CRTC3: variants seen among roughly 807,000 people sequenced by gnomAD.
The protein encoded by CRTC3 is CREB-regulated transcription coactivator 3.
CRTC3 carries 26 observed loss-of-function variants against 74.5 expected under a neutral mutation model. The ratio of observed to expected loss-of-function variants is 0.35; its 90% CI spans 0.26 to 0.48. CRTC3 has a LOEUF of 0.48. Ranked by LOEUF, CRTC3 falls within the 20% of genes least tolerant of loss-of-function variation. The pLI, the probability that CRTC3 is intolerant of heterozygous loss-of-function variation, is 0.99. For missense variants in CRTC3, 760 were observed against 787.3 expected (o/e 0.97, Z 0.41); for synonymous variants, 377 against 325.8 (o/e 1.16, Z -1.69).
Position 90,571,175 on chromosome 15 carries a change from G to A in CRTC3, c.232-22461G>A, listed in dbSNP as rs542308979. ...CAGACAGGCACAGTCACTGCTTGGC[G>A]GAACTTCAGTCCAGTGGGAGAGGCA... is the stretch of plus-strand genomic sequence containing the variant. On this transcript the variant is annotated intron_variant, in intron 2 of 14. Coordinates refer to ENST00000268184, the MANE Select transcript of CRTC3 (RefSeq NM_022769.5). Among the ~76,000 whole-genome samples, 23 of 152,290 alleles carry A rather than the reference G, an allele frequency of 1.5e-4. No individual in the cohort carries two copies. The South Asian group carries it at 3.5e-3, about 23-fold the overall frequency.
At chr15:90,595,575 A>C (rs1301576515) in intron 3 of CRTC3, 1 of 152,068 alleles carries the variant, frequency 6.6e-6, no homozygotes, top group Non-Finnish European at 1.5e-5. Flanking sequence ...AAAAAAAAAA[A>C]AAACCAATGT....
At chr15:90,633,796 G>C (rs970799244) in intron 11 of CRTC3, among the ~76,000 whole-genome samples, 1 of 150,768 alleles carries the variant, frequency 6.6e-6, no homozygotes, top group African/African-American at 2.4e-5. Context: ...CTTCTCTGTG[G>C]TTGCTTCCTT....
At chr15:90,639,230 G>A (rs780562143) in intron 13 of CRTC3, among the ~76,000 whole-genome samples, 14 of 152,250 alleles carry the variant, frequency 9.2e-5, no homozygotes, top group Middle Eastern at 3.4e-3. Context: ...CCAGCACAGC[G>A]TGGGGCCTCC....
chr15:90,626,467 C>G (rs1230282344), intron 10 of CRTC3, among the ~76,000 whole-genome samples: 1 of 152,148 alleles, frequency 6.6e-6, no homozygotes, highest in Admixed American at 6.5e-5. Flanking sequence ...AAGTAGAAAT[C>G]CCCCACAGTT....
intron 6 of CRTC3, 96 bp downstream of exon 6, chr15:90,607,574 C>A: frequency 1.4e-6 from 1 of 739,892 alleles, no homozygotes; most frequent in Admixed American, 2.3e-5. Context: ...TTGCGCTTCC[C>A]GGTTCAGTGA....
Position 90,546,822 on chromosome 15 carries a change from A to C in CRTC3, c.231+6685A>C, listed in dbSNP as rs150930217. 9.0e-4 allele frequency among the ~76,000 whole-genome samples: 137 copies of C among 152,240 alleles called. 1 individual carries two copies. Among genetic ancestry groups the C allele is most frequent in the African/African-American group, 3.3e-3 (136 of 41,550 alleles). ...GTATTTGTATTAGAGACGGGGTTTCACTGTGTTAGCCAGGATGGTCTCGAT... is the reference window on the plus strand; with the variant it reads ...GTATTTGTATTAGAGACGGGGTTTCCCTGTGTTAGCCAGGATGGTCTCGAT... On this transcript the variant is annotated intron_variant, in intron 2 of 14. Coordinates refer to ENST00000268184, the MANE Select transcript of CRTC3 (RefSeq NM_022769.5).
intron 2 of CRTC3, among the ~76,000 whole-genome samples, chr15:90,556,420 G>C (rs942498290): frequency 2.6e-5 from 4 of 152,142 alleles, no homozygotes; most frequent in African/African-American, 9.7e-5. Flanking sequence ...TGATGGATTT[G>C]GATATTTATT....
At chr15:90,611,935 G>C (rs948390222) in intron 6 of CRTC3, among the ~76,000 whole-genome samples, 2 of 151,688 alleles carry the variant, frequency 1.3e-5, no homozygotes, top group Non-Finnish European at 1.5e-5. Context: ...AGCCTGCTTC[G>C]GTCCAGCCCA....
chr15:90,547,131 T>C (rs1966845690), intron 2 of CRTC3, among the ~76,000 whole-genome samples: 1 of 152,344 alleles, frequency 6.6e-6, no homozygotes, highest in East Asian at 1.9e-4. Context: ...GACAAAATTG[T>C]ATATATTTAT....
At chr15:90,557,595 T>G (rs1021658838) in intron 2 of CRTC3, among the ~76,000 whole-genome samples, 54 of 152,220 alleles carry the variant, frequency 3.5e-4, no homozygotes, top group African/African-American at 1.3e-3. Flanking sequence ...AATCAGCCTG[T>G]AATATGCTGA....
At chr15:90,622,129 G>C (rs1213977782) in intron 9 of CRTC3, among the ~76,000 whole-genome samples, 1 of 152,194 alleles carries the variant, frequency 6.6e-6, no homozygotes, top group Non-Finnish European at 1.5e-5. Flanking sequence ...CCCAAGGCAG[G>C]AGTGGGCCTG....
chr15:90,610,331 G>A (rs1021291086), intron 6 of CRTC3, among the ~76,000 whole-genome samples: 8 of 152,166 alleles, frequency 5.3e-5, no homozygotes, highest in Non-Finnish European at 8.8e-5. Flanking sequence ...TTCTTTCCCT[G>A]GGAATCTCTC....
At chr15:90,573,635 G>T (rs184453737) in intron 2 of CRTC3, among the ~76,000 whole-genome samples, 4 of 150,738 alleles carry the variant, frequency 2.7e-5, no homozygotes, top group Non-Finnish European at 4.4e-5. Flanking sequence ...GTTTTTTACT[G>T]TTTTTTTTCC....
At chr15:90,629,207 G>GTAAC in intron 10 of CRTC3, 27 bp from the exon 11 acceptor site, 5 of 1,594,056 alleles carry the variant, frequency 3.1e-6, no homozygotes, top group Non-Finnish European at 4.3e-6. Flanking sequence ...GAAATTATAA[G>GTAAC]TAACTTGTGA....
intron 6 of CRTC3, 121 bp from the exon 7 acceptor site, chr15:90,614,332 A>C: frequency 1.5e-6 from 1 of 675,246 alleles, no homozygotes; most frequent in South Asian, 2.0e-5. Context: ...AGTGTATCAA[A>C]AGTGCCTTAG....
In CRTC3 at chr15:90,630,756, ATTTTTTTTTTTT is replaced by A. The variant is rs1175467073; in HGVS notation, c.1266+1245_1266+1256del. Among the ~76,000 whole-genome samples, 39 of 23,652 alleles carry A rather than the reference ATTTTTTTTTTTT, an allele frequency of 1.6e-3. 1 individual carries two copies. The highest frequency in any genetic ancestry group is 3.0e-3 in the African/African-American group (28 of 9,428). The allele number at this position is 23,652 out of a possible 152,430, so 15.5% of individuals were successfully genotyped here. A position where few individuals can be genotyped will look rare whatever the true frequency, so the allele number is the denominator to read the frequency against. On this transcript the variant is annotated intron_variant, in intron 11 of 14. Coordinates refer to ENST00000268184, the MANE Select transcript of CRTC3 (RefSeq NM_022769.5). ...CACATCCTCTGTCTATTACAGCATCATTTTTTTTTTTTTTTTTTTTTTTTTTTTTTTTGAGAC... is the reference window on the plus strand; with the variant it reads ...CACATCCTCTGTCTATTACAGCATCATTTTTTTTTTTTTTTTTTTTGAGAC...
At chr15:90,534,339 G>T (rs563009425) in intron 1 of CRTC3, among the ~76,000 whole-genome samples, 4 of 152,300 alleles carry the variant, frequency 2.6e-5, no homozygotes, top group Admixed American at 2.6e-4. Context: ...TGCCTGTGAG[G>T]CACATAAGTA....
intron 9 of CRTC3, among the ~76,000 whole-genome samples, chr15:90,624,215 CCTT>C (rs1358478234): frequency 2.0e-5 from 3 of 152,026 alleles, no homozygotes; most frequent in African/African-American, 7.3e-5. Context: ...GCTGGTGGCA[CCTT>C]CTCCCGCATT....
intron 7 of CRTC3, among the ~76,000 whole-genome samples, chr15:90,616,980 G>C (rs923185286): frequency 6.6e-6 from 1 of 152,130 alleles, no homozygotes; most frequent in Non-Finnish European, 1.5e-5. Context: ...CGTTGTTGCA[G>C]GTTCTCTCCT....
Sources: allele counts gnomAD v4.1 joint callset (sites outside exome capture counted in the v4.1 genomes callset), GRCh38; gene constraint gnomAD v4.1.1; transcripts MANE v1.5; gene names NCBI Gene and HGNC (gene_info 2026-07-23, HGNC 2026-07-21).